The following DNAJC3 variants were observed in gnomAD, a reference collection of about 807,000 sequenced individuals.
DNAJC3 encodes the protein dnaJ homolog subfamily C member 3.
Under a neutral mutation model 68.6 loss-of-function variants are expected in DNAJC3, and 38 were observed. That is an observed-to-expected ratio of 0.55 (90% CI 0.43 to 0.73). DNAJC3 has a LOEUF of 0.73. Ranked by LOEUF, DNAJC3 falls within the 30% of genes least tolerant of loss-of-function variation. The pLI is 0.00. For missense variants in DNAJC3, 526 were observed against 591.9 expected, an observed-to-expected ratio of 0.89 and a Z score of 1.16; for synonymous variants, 203 against 204.0, an observed-to-expected ratio of 1.00 and a Z score of 0.04.
At chr13:95,784,784 T>G (rs1364617925) in intron 9 of DNAJC3, among the ~76,000 whole-genome samples, 1 of 152,000 alleles carries the variant, frequency 6.6e-6, no homozygotes, top group African/African-American at 2.4e-5. Context: ...CTTCTGCATA[T>G]TAGATACCCA....
intron 1 of DNAJC3, among the ~76,000 whole-genome samples, chr13:95,707,019 G>A (rs567037663): frequency 7.4e-4 from 113 of 152,302 alleles, no homozygotes; most frequent in Admixed American, 1.4e-3. Context: ...TGGTTTTGTG[G>A]AAGACAGTTT....
intron 2 of DNAJC3, among the ~76,000 whole-genome samples, chr13:95,711,149 A>G (rs1001636132): frequency 4.6e-5 from 7 of 151,920 alleles, no homozygotes; most frequent in Admixed American, 4.6e-4. Context: ...TTTTTATTAA[A>G]CTCAGATTTT....
intron 6 of DNAJC3, 61 bp downstream of exon 6, chr13:95,760,282 T>A (rs936212660): frequency 1.5e-6 from 2 of 1,355,956 alleles, no homozygotes; most frequent in Middle Eastern, 1.9e-4. Flanking sequence ...GATTACCTCA[T>A]CTTGTTTTAA....
At chr13:95,707,720 G>A (rs1880801760) in intron 1 of DNAJC3, among the ~76,000 whole-genome samples, 2 of 152,184 alleles carry the variant, frequency 1.3e-5, no homozygotes, top group Non-Finnish European at 2.9e-5. Context: ...TGATAGGAGA[G>A]TAACTAAAGA....
intron 4 of DNAJC3, among the ~76,000 whole-genome samples, chr13:95,737,814 C>G (rs1247789051): frequency 7.3e-6 from 1 of 137,670 alleles, no homozygotes; most frequent in Non-Finnish European, 1.6e-5. Context: ...TTTTGTGTCT[C>G]TATTTCCTTC....
chr13:95,789,902 A>G (rs1349559259), intron 11 of DNAJC3, among the ~76,000 whole-genome samples: 1 of 151,994 alleles, frequency 6.6e-6, no homozygotes, highest in Non-Finnish European at 1.5e-5. Context: ...TTTTTTTCAT[A>G]TGATTGTTGG....
chr13:95,731,489 T>TTA (rs1302413333), intron 4 of DNAJC3, among the ~76,000 whole-genome samples: 2 of 152,188 alleles, frequency 1.3e-5, no homozygotes, highest in African/African-American at 2.4e-5. Flanking sequence ...CCTAGTTTGT[T>TTA]TAGAGTTTTT....
At chr13:95,683,368 A>G (rs907008815) in intron 1 of DNAJC3, among the ~76,000 whole-genome samples, 2 of 152,084 alleles carry the variant, frequency 1.3e-5, no homozygotes, top group African/African-American at 2.4e-5. Context: ...CCTGGTGGGA[A>G]GTGATTGGAT....
rs1156932282 is a variant in DNAJC3, at chr13:95,793,974, T to C, written c.*2944T>C. ...AAAGGTTCCAAAACGGGAGACAAAATTTAATTCATTCCTCAGTTCTGAAAG... is the reference window on the plus strand; with the variant it reads ...AAAGGTTCCAAAACGGGAGACAAAACTTAATTCATTCCTCAGTTCTGAAAG... On this transcript the variant is annotated 3_prime_UTR_variant, in exon 12 of 12. Coordinates refer to ENST00000602402, the MANE Select transcript of DNAJC3 (RefSeq NM_006260.5). The C allele has an allele frequency of 6.6e-6, 1 of 152,162 alleles. No homozygotes were observed. The highest frequency in any genetic ancestry group is 1.5e-5 in the Non-Finnish European group (1 of 68,024). The allele number at this position is 152,162 out of a possible 1,614,324, so 9.4% of individuals were successfully genotyped here. A position where few individuals can be genotyped will look rare whatever the true frequency, so the allele number is the denominator to read the frequency against.
intron 6 of DNAJC3, 109 bp from the exon 7 acceptor site, chr13:95,760,570 T>G: frequency 7.2e-7 from 1 of 1,393,556 alleles, no homozygotes; most frequent in South Asian, 1.4e-5. Flanking sequence ...TCAGTATGGT[T>G]TTTGTTTAAT....
chr13:95,787,554 T>C (rs1175144441), intron 11 of DNAJC3, among the ~76,000 whole-genome samples: 1 of 152,146 alleles, frequency 6.6e-6, no homozygotes. Flanking sequence ...CCAGGCTGGA[T>C]TACATGGAGT....
chr13:95,688,927 GGTGTGTGTGTGTGTGTGTGTGTGTGTGT>G (rs57546561), intron 1 of DNAJC3, among the ~76,000 whole-genome samples: 1 of 129,670 alleles, frequency 7.7e-6, no homozygotes, highest in Non-Finnish European at 1.6e-5. Flanking sequence ...TGATTGTGTG[GGTGTGTGTGTGTGTGTGTGTGTGTGTGT>G]GTGTGTGTGT....
chr13:95,738,725 G>C (rs138179175), intron 4 of DNAJC3, among the ~76,000 whole-genome samples: 3 of 152,126 alleles, frequency 2.0e-5, no homozygotes, highest in African/African-American at 7.2e-5. Flanking sequence ...GTCTCTGCAC[G>C]TGAGATGGGT....
intron 1 of DNAJC3, among the ~76,000 whole-genome samples, chr13:95,707,240 TG>T (rs549315297): frequency 9.9e-4 from 151 of 152,276 alleles, no homozygotes; most frequent in African/African-American, 3.3e-3. Context: ...CTCTCTGGCT[TG>T]CCGATCACTT....
At chr13:95,699,393 C>A (rs1274487064) in intron 1 of DNAJC3, among the ~76,000 whole-genome samples, 1 of 152,184 alleles carries the variant, frequency 6.6e-6, no homozygotes, top group African/African-American at 2.4e-5. Flanking sequence ...AAGAGTATGA[C>A]ATGGCTTGAC....
intron 3 of DNAJC3, among the ~76,000 whole-genome samples, chr13:95,723,595 A>G (rs948716743): frequency 3.9e-5 from 6 of 152,116 alleles, no homozygotes; most frequent in Non-Finnish European, 7.4e-5. Context: ...TCTGGCAGTG[A>G]TGTCAGCTTT....
At chr13:95,735,568 C>G (rs1436786271) in intron 4 of DNAJC3, among the ~76,000 whole-genome samples, 2 of 151,004 alleles carry the variant, frequency 1.3e-5, no homozygotes, top group African/African-American at 2.5e-5. Context: ...TCTCTGATGG[C>G]CAGTGATGAT....
intron 10 of DNAJC3, 33 bp from the exon 11 acceptor site, chr13:95,786,974 C>T: frequency 6.3e-7 from 1 of 1,586,730 alleles, no homozygotes; most frequent in Non-Finnish European, 8.5e-7. Flanking sequence ...AGACACTTTT[C>T]CACTAATGAT....
At chr13:95,750,162 G>A (rs527923186) in intron 4 of DNAJC3, among the ~76,000 whole-genome samples, 1 of 149,940 alleles carries the variant, frequency 6.7e-6, no homozygotes, top group African/African-American at 2.4e-5. Flanking sequence ...GGACAATGTG[G>A]AATTCCGTTT....
Sources: gnomAD v4.1 joint callset for allele counts (sites outside exome capture counted in the v4.1 genomes callset) on GRCh38, gnomAD v4.1.1 for gene constraint, MANE v1.5 for transcripts, NCBI Gene and HGNC (gene_info 2026-07-23, HGNC 2026-07-21) for gene names.